Variants in DGUOK observed in about 807,000 individuals in gnomAD.
DGUOK encodes deoxyguanosine kinase.
Under a neutral mutation model 36.6 loss-of-function variants are expected in DGUOK, and 30 were observed. That is an observed-to-expected ratio of 0.82 (90% CI 0.61 to 1.11). The LOEUF (loss-of-function observed/expected upper bound fraction) is 1.11. Among genes scored for constraint, DGUOK ranks in the 50% most tolerant of loss-of-function variants. The pLI is 0.00. For synonymous variants in DGUOK, 145 were observed against 126.3 expected (o/e 1.15, Z -0.99); for missense variants, 361 against 336.4 (o/e 1.07, Z -0.57).
At chr2:73,955,935 T>C (rs1398117685) in intron 4 of DGUOK, among the ~76,000 whole-genome samples, 1 of 152,152 alleles carries the variant, frequency 6.6e-6, no homozygotes, top group Non-Finnish European at 1.5e-5. Context: ...GGACAGATGA[T>C]ATTGAATAAT....
Position 73,944,622 on chromosome 2 carries a change from T to G in DGUOK, c.256-2097T>G, listed in dbSNP as rs117281947. Among the ~76,000 whole-genome samples, 240 of 152,334 alleles carry G rather than the reference T, an allele frequency of 1.6e-3. 10 individuals carry two copies. The East Asian group carries it at 0.038, about 24-fold the overall frequency. ...TGTGTCCAATTATTGTTCATCTGTT[T>G]GCTTATATTTTTGGAAGGATGTTTG... On this transcript the variant is annotated intron_variant, in intron 2 of 6. Transcript: ENST00000264093.
In DGUOK at chr2:73,946,851, C is replaced by G; in HGVS notation, c.388C>G (p.Leu130Val). The change falls in exon 3 of 7, where the codon CTC becomes GTC. Residue 130 changes from leucine (L) to valine (V), a missense_variant. Transcript: ENST00000264093. ...KVQLEPFPEK[L>V]LQARKPVQIF... ...ACAGCTGGAGCCCTTCCCTGAGAAA[C>G]TCTTACAGGCCAGGAAGCCAGTACA... 1 of 1,613,842 alleles carries G rather than the reference C, an allele frequency of 6.2e-7. No individual in the cohort carries two copies. The highest frequency in any genetic ancestry group is 1.1e-5 in the South Asian group (1 of 91,040).
Position 73,957,099 on chromosome 2 carries a change from A to G in DGUOK, c.592-26A>G. On this transcript the variant is annotated intron_variant, in intron 4 of 6. Transcript: ENST00000264093. Reference sequence around the variant, plus strand: ...TAGCAGCCAAAACAGCAAAGAGCTCATCAGGGCTTGGGGACTGTCTTTTAG... The same window carrying G: ...TAGCAGCCAAAACAGCAAAGAGCTCGTCAGGGCTTGGGGACTGTCTTTTAG... The G allele has an allele frequency of 2.5e-6, 4 of 1,570,504 alleles. No individual in the cohort carries two copies. The highest frequency in any genetic ancestry group is 2.6e-6 in the Non-Finnish European group (3 of 1,140,790).
rs544318719 is a variant in DGUOK at position 73,952,985 on chromosome 2, A to G, written c.591+2253A>G. Among the ~76,000 whole-genome samples, 33 of 152,234 alleles carry G rather than the reference A, an allele frequency of 2.2e-4. No individual in the cohort carries two copies. The East Asian group carries it at 3.7e-3, about 17-fold the overall frequency. ...ATTGAGGACCTCCTGCTGCCTCATCATATGATGAGGTGGAAGGGAGCAGGC... is the reference window on the plus strand; with the variant it reads ...ATTGAGGACCTCCTGCTGCCTCATCGTATGATGAGGTGGAAGGGAGCAGGC... On this transcript the variant is annotated intron_variant, in intron 4 of 6. Coordinates refer to ENST00000264093, the MANE Select transcript of DGUOK (RefSeq NM_080916.3).
At chr2:73,938,410 G>GTGTTT (rs1681639498) in intron 1 of DGUOK, among the ~76,000 whole-genome samples, 1 of 152,152 alleles carries the variant, frequency 6.6e-6, no homozygotes, top group Non-Finnish European at 1.5e-5. Flanking sequence ...AATCCATTCT[G>GTGTTT]TGTTTTGTTT....
At chr2:73,935,358 T>A (rs768689046) in intron 1 of DGUOK, among the ~76,000 whole-genome samples, 22 of 152,258 alleles carry the variant, frequency 1.4e-4, no homozygotes, top group Non-Finnish European at 3.1e-4. Context: ...GGTGTTCTGG[T>A]CACTAGGAGG....
chr2:73,942,239 A>T (rs1440716839), intron 2 of DGUOK, among the ~76,000 whole-genome samples: 1 of 152,098 alleles, frequency 6.6e-6, no homozygotes, highest in East Asian at 1.9e-4. Flanking sequence ...TTGGTATATA[A>T]TATATTTTTA....
At chr2:73,939,953 G>C (rs1204528911) in intron 2 of DGUOK, among the ~76,000 whole-genome samples, 1 of 151,040 alleles carries the variant, frequency 6.6e-6, no homozygotes, top group African/African-American at 2.4e-5. Flanking sequence ...CCAGGCTGGG[G>C]TGCAATGGTG....
chr2:73,944,220 A>G (rs964998734), intron 2 of DGUOK, among the ~76,000 whole-genome samples: 49 of 152,128 alleles, frequency 3.2e-4, no homozygotes, highest in African/African-American at 9.7e-5. Context: ...GAGTCTCACT[A>G]TGTTGCCCAA....
chr2:73,936,742 T>G (rs950204098), intron 1 of DGUOK, among the ~76,000 whole-genome samples: 2 of 152,340 alleles, frequency 1.3e-5, no homozygotes, highest in Admixed American at 6.5e-5. Context: ...ATTGTGTATT[T>G]TATTCATTCA....
intron 4 of DGUOK, among the ~76,000 whole-genome samples, chr2:73,955,333 T>A (rs1401024320): frequency 2.0e-5 from 3 of 152,260 alleles, no homozygotes; most frequent in African/African-American, 7.2e-5. Context: ...AGCTTTGCTA[T>A]GCTTAGAAAT....
intron 2 of DGUOK, among the ~76,000 whole-genome samples, chr2:73,943,287 C>T (rs2104927368): frequency 6.6e-6 from 1 of 151,558 alleles, no homozygotes; most frequent in African/African-American, 2.4e-5. Context: ...TGAGTTGGGA[C>T]TATAGGTGCA....
chr2:73,957,254 AAAG>A lies in DGUOK; in HGVS notation c.707+17_707+19del, dbSNP rs1683180579. ...CAAGACAACGAAGTAAGTGGGGAGA[AAAG>A]AATGTATCAGAGACAGAGACCTGGC... On this transcript the variant is annotated intron_variant, in intron 5 of 6. Transcript: ENST00000264093. 6.2e-7 allele frequency: 1 copy of A among 1,603,036 alleles called. No individual in the cohort carries two copies.
rs149977279 is a variant in DGUOK, at chr2:73,943,175, G to A, written c.256-3544G>A. 3.3e-3 allele frequency among the ~76,000 whole-genome samples: 499 copies of A among 152,126 alleles called. 2 individuals carry two copies. Among genetic ancestry groups the A allele is most frequent in the African/African-American group, 0.012 (479 of 41,482 alleles). The stretch of plus-strand genomic sequence containing the variant: ...TTGACTTTTGGGTTCTTTTTAGGCA[G>A]GGTCTTCCTCTGTCACCCAGGCTGG... On this transcript the variant is annotated intron_variant, in intron 2 of 6. Transcript: ENST00000264093.
chr2:73,954,741 C>G (rs1427407157), intron 4 of DGUOK, among the ~76,000 whole-genome samples: 3 of 152,132 alleles, frequency 2.0e-5, no homozygotes, highest in South Asian at 4.1e-4. Context: ...GACCCACTAG[C>G]AGTCACTTTC....
chr2:73,938,067 G>A (rs557079473), intron 1 of DGUOK, among the ~76,000 whole-genome samples: 247 of 152,094 alleles, frequency 1.6e-3, no homozygotes, highest in African/African-American at 5.8e-3. Context: ...GTATGACCTG[G>A]CCCTGGACTC....
chr2:73,953,798 A>C (rs1682886376), intron 4 of DGUOK, among the ~76,000 whole-genome samples: 1 of 139,218 alleles, frequency 7.2e-6, no homozygotes, highest in Non-Finnish European at 1.5e-5. Context: ...TGCTCACTGC[A>C]AGCTCCGCCT....
At chr2:73,939,504 C>G (rs879636592) in intron 2 of DGUOK, among the ~76,000 whole-genome samples, 4 of 152,254 alleles carry the variant, frequency 2.6e-5, no homozygotes, top group Non-Finnish European at 4.4e-5. Context: ...AGGCACTGTA[C>G]TATGCCAAGC....
At position 73,935,849 on chromosome 2, in the gene DGUOK, A is replaced by C. The variant is rs117233381; in HGVS notation, c.143-3061A>C. Among the ~76,000 whole-genome samples the C allele has an allele frequency of 2.8e-4, 43 of 152,300 alleles. 1 individual carries two copies. The East Asian group carries it at 7.9e-3, about 28-fold the overall frequency. On this transcript the variant is annotated intron_variant, in intron 1 of 6. Coordinates refer to ENST00000264093, the MANE Select transcript of DGUOK (RefSeq NM_080916.3). ...TTATTGTTCCAGTCATTGGAACTGT[A>C]TATTTCCTGTTACATCTAATTTGTT...
Sources: gnomAD v4.1 joint callset for allele counts (sites outside exome capture counted in the v4.1 genomes callset) on GRCh38, gnomAD v4.1.1 for gene constraint, MANE v1.5 for transcripts, NCBI Gene and HGNC (gene_info 2026-07-23, HGNC 2026-07-21) for gene names.